Variants in ATP13A4 observed in about 807,000 individuals in gnomAD.
ATP13A4 encodes the protein ATPase 13A4.
ATP13A4 carries 114 observed loss-of-function variants against 142.5 expected under a neutral mutation model. That is an observed-to-expected ratio of 0.80 (90% CI 0.69 to 0.93). ATP13A4 has a LOEUF of 0.93. Ranked by LOEUF, ATP13A4 falls within the 40% of genes least tolerant of loss-of-function variation. ATP13A4 has a pLI of 0.00. For synonymous variants in ATP13A4, 488 were observed against 514.8 expected (o/e 0.95, Z 0.70); for missense variants, 1,392 against 1,454.0 (o/e 0.96, Z 0.69).
chr3:193,501,587 TAAAAAAAA>T lies in ATP13A4; in HGVS notation c.381+898_381+905del, dbSNP rs149104526. Among the ~76,000 whole-genome samples, 3 of 126,012 alleles carry T rather than the reference TAAAAAAAA, an allele frequency of 2.4e-5. No homozygotes were observed. In the Admixed American group the frequency reaches 2.5e-4, roughly 10 times the overall value. The allele number at this position is 126,012 out of a possible 152,430, so 82.7% of individuals were successfully genotyped here. A position where few individuals can be genotyped will look rare whatever the true frequency, so the allele number is the denominator to read the frequency against. On this transcript the variant is annotated intron_variant, in intron 3 of 29. Transcript: ENST00000342695. ...TGGGCAACAAGAGTGAAACTCCATT[TAAAAAAAA>T]AAAAAAAAAGACAACTGGGTGATAA...
intron 26 of ATP13A4, 142 bp downstream of exon 26, chr3:193,414,437 A>G: frequency 1.3e-6 from 1 of 783,216 alleles, no homozygotes; most frequent in Non-Finnish European, 2.2e-6. Flanking sequence ...AGAAGAAATA[A>G]TCACTGAAAA....
intron 14 of ATP13A4, among the ~76,000 whole-genome samples, chr3:193,457,919 C>G (rs1717732465): frequency 6.6e-6 from 1 of 152,154 alleles, no homozygotes; most frequent in South Asian, 2.1e-4. Context: ...CTGTGATATA[C>G]ATGGTTAATA....
chr3:193,585,059 G>A (rs1231819792), intron 1 of ATP13A4, among the ~76,000 whole-genome samples: 2 of 152,216 alleles, frequency 1.3e-5, no homozygotes, highest in South Asian at 2.1e-4. Flanking sequence ...GGCTGCATGC[G>A]GCCCAGGATG....
chr3:193,411,139 A>G (rs1051682799), intron 27 of ATP13A4, 69 bp from the exon 28 acceptor site: 2 of 1,019,690 alleles, frequency 2.0e-6, no homozygotes, highest in African/African-American at 3.2e-5. Context: ...ATATTGACGG[A>G]TGTATTCTAG....
chr3:193,436,613 A>C (rs2108618878), intron 23 of ATP13A4, among the ~76,000 whole-genome samples: 1 of 151,614 alleles, frequency 6.6e-6, no homozygotes, highest in South Asian at 2.1e-4. Context: ...AGGTCTAGCT[A>C]ATTTTTTTTT....
Position 193,454,110 on chromosome 3 carries a change from G to A in ATP13A4, c.2018C>T (p.Thr673Ile), listed in dbSNP as rs771619523. The A allele has an allele frequency of 6.2e-7, 1 of 1,609,762 alleles. No individual in the cohort carries two copies. Among genetic ancestry groups the A allele is most frequent in the East Asian group, 2.2e-5 (1 of 44,858 alleles). Residue 673 changes from threonine to isoleucine, a missense_variant, in exon 17 of 30, where the codon ACC (threonine) becomes ATC (isoleucine). Thr to Ile is a moderately conservative substitution (Grantham distance 89, BLOSUM62 -1). Transcript: ENST00000342695. ...AATCATCCCCATTTACCTCGTCAAG[G>A]TAGTAGCGTGATGGTCATTTTCCAG... ...KKLENDHHAT[T>I]LTRETVESDL...
intron 1 of ATP13A4, among the ~76,000 whole-genome samples, chr3:193,590,512 T>C (rs1330022795): frequency 6.6e-6 from 1 of 152,200 alleles, no homozygotes; most frequent in African/African-American, 2.4e-5. Flanking sequence ...TACCTACGTC[T>C]TAGCACAGTT....
chr3:193,481,270 A>G (rs559488088), intron 8 of ATP13A4, among the ~76,000 whole-genome samples: 4 of 152,194 alleles, frequency 2.6e-5, no homozygotes, highest in Non-Finnish European at 4.4e-5. Flanking sequence ...TTAACCAGGA[A>G]AAAAACTTAT....
intron 2 of ATP13A4, among the ~76,000 whole-genome samples, chr3:193,575,596 A>G (rs1724375225): frequency 6.6e-6 from 1 of 152,234 alleles, no homozygotes; most frequent in Admixed American, 6.5e-5. Flanking sequence ...AAACACGGGC[A>G]TCTAACAAAT....
chr3:193,504,960 T>C (rs1720778918), intron 2 of ATP13A4, among the ~76,000 whole-genome samples: 1 of 152,180 alleles, frequency 6.6e-6, no homozygotes, highest in Non-Finnish European at 1.5e-5. Flanking sequence ...TGTTATCTTA[T>C]TTTAGGCTTA....
chr3:193,416,236 G>A (rs1715056496), intron 25 of ATP13A4, among the ~76,000 whole-genome samples: 1 of 152,226 alleles, frequency 6.6e-6, no homozygotes, highest in Non-Finnish European at 1.5e-5. Flanking sequence ...TCAACAAAGA[G>A]TGAAACAAAA....
At chr3:193,536,269 T>C (rs1050729935) in intron 1 of ATP13A4, among the ~76,000 whole-genome samples, 7 of 152,022 alleles carry the variant, frequency 4.6e-5, no homozygotes, top group Non-Finnish European at 7.4e-5. Flanking sequence ...TTCCGCAACA[T>C]ATTAAAACAC....
chr3:193,514,123 G>T (rs893924318), intron 2 of ATP13A4, among the ~76,000 whole-genome samples: 1 of 152,152 alleles, frequency 6.6e-6, no homozygotes, highest in African/African-American at 2.4e-5. Flanking sequence ...AACATGTGCA[G>T]GTTTGTTATA....
intron 25 of ATP13A4, among the ~76,000 whole-genome samples, chr3:193,420,511 C>G (rs1715352541): frequency 6.7e-6 from 1 of 149,728 alleles, no homozygotes; most frequent in African/African-American, 2.5e-5. Flanking sequence ...TCTCCAGTAA[C>G]TGACCCCAAA....
intron 8 of ATP13A4, among the ~76,000 whole-genome samples, chr3:193,481,256 A>C (rs984582425): frequency 6.6e-6 from 1 of 152,148 alleles, no homozygotes; most frequent in Non-Finnish European, 1.5e-5. Context: ...TAAATAAATA[A>C]TTTTTAACCA....
chr3:193,497,166 T>C (rs984248679), intron 3 of ATP13A4, among the ~76,000 whole-genome samples: 2 of 152,176 alleles, frequency 1.3e-5, no homozygotes, highest in African/African-American at 4.8e-5. Context: ...TTGCGAACTG[T>C]GCATCTGACA....
At chr3:193,552,380 T>G (rs981588239) in intron 1 of ATP13A4, among the ~76,000 whole-genome samples, 2 of 152,224 alleles carry the variant, frequency 1.3e-5, no homozygotes, top group Non-Finnish European at 2.9e-5. Context: ...TGTTGTTTTC[T>G]CTTGAAATTT....
At chr3:193,459,687 C>T (rs369858619) in intron 13 of ATP13A4, among the ~76,000 whole-genome samples, 9 of 152,286 alleles carry the variant, frequency 5.9e-5, no homozygotes, top group East Asian at 5.8e-4. Context: ...AACCCACCTG[C>T]GTCGGCCTCC....
chr3:193,564,843 C>T (rs1329226247), intron 2 of ATP13A4, among the ~76,000 whole-genome samples: 1 of 152,160 alleles, frequency 6.6e-6, no homozygotes, highest in Non-Finnish European at 1.5e-5. Flanking sequence ...ACATTACCCC[C>T]TGAGCTCCAC....
Sources: gnomAD v4.1 joint callset for allele counts (sites outside exome capture counted in the v4.1 genomes callset) on GRCh38, gnomAD v4.1.1 for gene constraint, MANE v1.5 for transcripts, NCBI Gene and HGNC (gene_info 2026-07-23, HGNC 2026-07-21) for gene names.